Variants in TTC29 observed in about 807,000 individuals in gnomAD.
The protein encoded by TTC29 is tetratricopeptide repeat protein 29.
In TTC29, 49 loss-of-function variants were observed where a neutral mutation model predicts 58.1. The ratio of observed to expected loss-of-function variants is 0.84; its 90% CI spans 0.67 to 1.07. TTC29 has a LOEUF of 1.07. TTC29 is among the 50% of genes least tolerant of loss of function. The probability of loss-of-function intolerance (pLI) is 0.00; values close to 1 mark genes in which losing one functional copy is unlikely to be tolerated. For synonymous variants in TTC29, 209 were observed against 196.8 expected, an observed-to-expected ratio of 1.06 and a Z score of -0.52; for missense variants, 582 against 555.6, an observed-to-expected ratio of 1.05 and a Z score of -0.48.
chr4:146,724,424 T>G (rs1423424200), intron 11 of TTC29, among the ~76,000 whole-genome samples: 1 of 152,252 alleles, frequency 6.6e-6, no homozygotes. Context: ...GATTTTCCTC[T>G]TGAATATATT....
chr4:146,760,733 C>CAT (rs1366765078), intron 11 of TTC29, among the ~76,000 whole-genome samples: 2 of 125,242 alleles, frequency 1.6e-5, no homozygotes, highest in African/African-American at 3.2e-5. Context: ...TGGCTAGCTA[C>CAT]ATATATATAC....
At chr4:146,733,720 A>G (rs192688592) in intron 11 of TTC29, among the ~76,000 whole-genome samples, 32 of 152,260 alleles carry the variant, frequency 2.1e-4, no homozygotes, top group African/African-American at 7.7e-4. Flanking sequence ...GCTTGGGGAA[A>G]TGGAAGTATT....
chr4:146,721,751 T>G (rs545232588), intron 11 of TTC29, among the ~76,000 whole-genome samples: 2 of 152,166 alleles, frequency 1.3e-5, no homozygotes, highest in South Asian at 4.1e-4. Context: ...AACAGCAAGA[T>G]CTATGGACAA....
intron 11 of TTC29, among the ~76,000 whole-genome samples, chr4:146,795,950 CAAATAT>C (rs1749806480): frequency 6.6e-6 from 1 of 152,142 alleles, no homozygotes; most frequent in African/African-American, 2.4e-5. Context: ...GAGAATGAGA[CAAATAT>C]AAATGGGGTG....
At chr4:146,783,339 C>T (rs1748760666) in intron 11 of TTC29, among the ~76,000 whole-genome samples, 1 of 145,272 alleles carries the variant, frequency 6.9e-6, no homozygotes, top group African/African-American at 2.7e-5. Flanking sequence ...CCCTCTTCTT[C>T]ATTTTTTTTT....
intron 9 of TTC29, 65 bp from the exon 10 acceptor site, chr4:146,820,313 G>A (rs993576895): frequency 3.7e-5 from 57 of 1,530,662 alleles, no homozygotes; most frequent in Admixed American, 6.1e-5. Flanking sequence ...TAAAGAGGAA[G>A]TATCTTGTGT....
At chr4:146,797,140 A>G (rs770359796) in intron 11 of TTC29, among the ~76,000 whole-genome samples, 9 of 152,252 alleles carry the variant, frequency 5.9e-5, no homozygotes, top group Non-Finnish European at 1.0e-4. Context: ...ATATTGAGCT[A>G]TGGTGGACCC....
At chr4:146,912,428 T>C (rs1482875372) in intron 4 of TTC29, among the ~76,000 whole-genome samples, 2 of 152,204 alleles carry the variant, frequency 1.3e-5, no homozygotes, top group Non-Finnish European at 2.9e-5. Context: ...GTATGGTCTG[T>C]ATTTCTATTT....
intron 5 of TTC29, among the ~76,000 whole-genome samples, chr4:146,905,397 A>G (rs1416752166): frequency 2.0e-5 from 3 of 150,444 alleles, no homozygotes; most frequent in Non-Finnish European, 4.4e-5. Context: ...ATTAAACCTT[A>G]ATGTAAAAAT....
chr4:146,882,512 A>G (rs1731699061), intron 6 of TTC29, among the ~76,000 whole-genome samples: 1 of 152,126 alleles, frequency 6.6e-6, no homozygotes, highest in Admixed American at 6.6e-5. Context: ...ATACTAACTA[A>G]AAAGTGTCGA....
chr4:146,854,048 G>A (rs1017288449), intron 8 of TTC29, among the ~76,000 whole-genome samples: 2 of 152,072 alleles, frequency 1.3e-5, no homozygotes, highest in African/African-American at 4.8e-5. Context: ...CCTCCCCTGG[G>A]ATAACTGATT....
intron 7 of TTC29, among the ~76,000 whole-genome samples, chr4:146,872,727 T>C (rs187565568): frequency 8.5e-5 from 13 of 152,078 alleles, no homozygotes; most frequent in Admixed American, 2.0e-4. Flanking sequence ...ATGAAGAAGA[T>C]AAAAGTAAGA....
chr4:146,921,588 ATAT>A (rs1734584276), intron 4 of TTC29, among the ~76,000 whole-genome samples: 1 of 151,400 alleles, frequency 6.6e-6, no homozygotes, highest in Admixed American at 6.6e-5. Context: ...ATAATATCAG[ATAT>A]TATTATAAAC....
intron 11 of TTC29, among the ~76,000 whole-genome samples, chr4:146,755,270 T>G (rs939912975): frequency 1.3e-5 from 2 of 152,158 alleles, no homozygotes; most frequent in East Asian, 3.8e-4. Flanking sequence ...ATCAGAAGAA[T>G]TAATATTGTT....
At chr4:146,755,292 A>C (rs780303078) in intron 11 of TTC29, among the ~76,000 whole-genome samples, 3 of 152,194 alleles carry the variant, frequency 2.0e-5, no homozygotes, top group Non-Finnish European at 4.4e-5. Context: ...AAATGTCCAT[A>C]CTATCTAAGC....
chr4:146,762,868 C>G (rs1317555539), intron 11 of TTC29, among the ~76,000 whole-genome samples: 1 of 151,812 alleles, frequency 6.6e-6, no homozygotes, highest in South Asian at 2.1e-4. Context: ...GCAATATATG[C>G]CCATAATTTA....
Position 146,790,228 on chromosome 4 carries a change from G to A in TTC29, c.1330+13229C>T, listed in dbSNP as rs187132845. On this transcript the variant is annotated intron_variant, in intron 11 of 12. Coordinates refer to ENST00000325106, the MANE Select transcript of TTC29 (RefSeq NM_031956.4). ...TTTTGAGACGGAGTCTCACTCTGTC[G>A]CCCAGGCTGGAGTGCAGTGGCGCGA... Among the ~76,000 whole-genome samples, 441 of 144,828 alleles carry A rather than the reference G, an allele frequency of 3.0e-3. 2 individuals carry two copies. Among genetic ancestry groups the A allele is most frequent in the Non-Finnish European group, 4.7e-3 (313 of 66,710 alleles).
intron 11 of TTC29, among the ~76,000 whole-genome samples, chr4:146,796,301 A>ACTT (rs1749830007): frequency 6.6e-6 from 1 of 152,164 alleles, no homozygotes; most frequent in African/African-American, 2.4e-5. Context: ...GTAAAATAAA[A>ACTT]CTTAAAAGCA....
At chr4:146,837,107 A>G (rs1728561315) in intron 8 of TTC29, among the ~76,000 whole-genome samples, 1 of 152,118 alleles carries the variant, frequency 6.6e-6, no homozygotes, top group Admixed American at 6.6e-5. Flanking sequence ...ATGCACATCA[A>G]TGCTCACTGG....
Sources: allele counts gnomAD v4.1 joint callset (sites outside exome capture counted in the v4.1 genomes callset), GRCh38; gene constraint gnomAD v4.1.1; transcripts MANE v1.5; gene names NCBI Gene and HGNC (gene_info 2026-07-23, HGNC 2026-07-21).